Variants in UNC13C observed in about 807,000 individuals in gnomAD.
UNC13C encodes the protein protein unc-13 homolog C.
A neutral mutation model predicts 245.4 loss-of-function variants in UNC13C; 174 were observed. The ratio of observed to expected loss-of-function variants is 0.71; its 90% CI spans 0.63 to 0.80. The LOEUF is 0.80. Among genes scored for constraint, UNC13C ranks in the 30% least tolerant of loss-of-function variants. The pLI is 0.00. For missense variants in UNC13C, 2,829 were observed against 2,602.9 expected (o/e 1.09, Z -1.89); for synonymous variants, 992 against 895.1 (o/e 1.11, Z -1.93).
chr15:54,275,429 A>AT (rs1416583711), intron 10 of UNC13C, among the ~76,000 whole-genome samples: 1 of 151,846 alleles, frequency 6.6e-6, no homozygotes, highest in East Asian at 1.9e-4. Context: ...CCCTAGTATT[A>AT]TTTTTTTCTG....
At chr15:53,879,224 CA>C in the UNC13C span, among the ~76,000 whole-genome samples, 6 of 152,162 alleles carry the variant, frequency 3.9e-5, no homozygotes, top group African/African-American at 1.4e-4. Context: ...TGCAATAGCA[CA>C]ATCATGGCTC....
At chr15:54,003,767 C>T (rs370334110) in intron 1 of UNC13C, among the ~76,000 whole-genome samples, 3 of 152,172 alleles carry the variant, frequency 2.0e-5, no homozygotes, top group Non-Finnish European at 4.4e-5. Flanking sequence ...AATCCCAGCA[C>T]TTTGGGAGGC....
At chr15:54,288,113 T>C (rs1313258660) in intron 10 of UNC13C, among the ~76,000 whole-genome samples, 2 of 152,164 alleles carry the variant, frequency 1.3e-5, no homozygotes, top group Non-Finnish European at 2.9e-5. Context: ...TCTGATTTAG[T>C]AAGACAGGAA....
chr15:54,321,862 C>T, intron 13 of UNC13C, 77 bp from the exon 14 acceptor site: 1 of 1,330,194 alleles, frequency 7.5e-7, no homozygotes, highest in Non-Finnish European at 1.0e-6. Flanking sequence ...GAATTAATTG[C>T]TGATGTTAGA....
chr15:54,211,598 C>G (rs2034880062), intron 4 of UNC13C, among the ~76,000 whole-genome samples: 1 of 152,028 alleles, frequency 6.6e-6, no homozygotes, highest in African/African-American at 2.4e-5. Context: ...TGGGCTAGCT[C>G]CAGTGCACCA....
At chr15:53,948,731 T>A in the UNC13C span, 1 of 151,636 alleles carries the variant, frequency 6.6e-6, no homozygotes, top group East Asian at 1.9e-4. Context: ...AGAAATGATG[T>A]GAGAAAGATG....
intron 10 of UNC13C, among the ~76,000 whole-genome samples, chr15:54,281,650 T>C (rs1332219378): frequency 1.3e-5 from 2 of 152,214 alleles, no homozygotes; most frequent in African/African-American, 2.4e-5. Flanking sequence ...ATTCCAGAGA[T>C]ACTTACAAGT....
intron 13 of UNC13C, among the ~76,000 whole-genome samples, chr15:54,318,101 T>A (rs1316398175): frequency 1.3e-5 from 2 of 151,974 alleles, no homozygotes; most frequent in African/African-American, 4.8e-5. Flanking sequence ...CTCTGATGTA[T>A]ATAACCATAT....
chr15:54,192,747 A>T (rs566257043), intron 4 of UNC13C, among the ~76,000 whole-genome samples: 1 of 152,176 alleles, frequency 6.6e-6, no homozygotes, highest in South Asian at 2.1e-4. Context: ...CTGTAGCACT[A>T]CTCGGCTTCC....
chr15:53,911,317 A>G, the UNC13C span: 4 of 152,212 alleles, frequency 2.6e-5, no homozygotes, highest in Admixed American at 6.5e-5. Context: ...CCTTGAGCCC[A>G]TCCTCCTGGC....
the UNC13C span, among the ~76,000 whole-genome samples, chr15:53,909,701 A>G: frequency 6.8e-6 from 1 of 146,770 alleles, no homozygotes; most frequent in Non-Finnish European, 1.5e-5. Flanking sequence ...AGCCAAGAGT[A>G]TTCTAAGTCT....
At chr15:54,605,258 AAG>A in intron 30 of UNC13C, among the ~76,000 whole-genome samples, 1 of 152,290 alleles carries the variant, frequency 6.6e-6, no homozygotes, top group East Asian at 1.9e-4. Flanking sequence ...GCTGAGTTCT[AAG>A]AGGGGCCACA....
chr15:54,262,789 CT>C (rs1452531129), intron 8 of UNC13C, among the ~76,000 whole-genome samples: 1 of 151,970 alleles, frequency 6.6e-6, no homozygotes, highest in African/African-American at 2.4e-5. Context: ...TTAGCTTCCT[CT>C]ATTCACACTC....
At chr15:54,129,538 T>A (rs1567036013) in intron 2 of UNC13C, among the ~76,000 whole-genome samples, 1 of 152,136 alleles carries the variant, frequency 6.6e-6, no homozygotes, top group Non-Finnish European at 1.5e-5. Flanking sequence ...TTTCTACTGA[T>A]TCAATTTCTT....
intron 25 of UNC13C, among the ~76,000 whole-genome samples, chr15:54,530,656 A>C (rs1483450447): frequency 6.6e-6 from 1 of 152,096 alleles, no homozygotes; most frequent in Non-Finnish European, 1.5e-5. Flanking sequence ...GTGATATTTG[A>C]TATATGCCTG....
At chr15:54,345,797 A>G (rs759400843) in intron 17 of UNC13C, among the ~76,000 whole-genome samples, 19 of 152,050 alleles carry the variant, frequency 1.2e-4, no homozygotes, top group Non-Finnish European at 2.4e-4. Context: ...AGACTCTCCC[A>G]TTATCCACAG....
Position 54,445,698 on chromosome 15 carries a change from T to C in UNC13C, c.4933+30631T>C, listed in dbSNP as rs565450982. Among the ~76,000 whole-genome samples the C allele has an allele frequency of 7.2e-5, 11 of 152,338 alleles. 1 individual carries two copies. The highest frequency in any genetic ancestry group is 3.3e-4 in the Admixed American group (5 of 15,302). Reference sequence around the variant, plus strand: ...TTGTAGATTCTGGATATTAGCCCTTTGTCAGATGAGTAGATTGCAAAAATT... The same window carrying C: ...TTGTAGATTCTGGATATTAGCCCTTCGTCAGATGAGTAGATTGCAAAAATT... On this transcript the variant is annotated intron_variant, in intron 19 of 32. Transcript: ENST00000260323.
upstream of UNC13C, among the ~76,000 whole-genome samples, chr15:53,977,452 A>AAAATGCC (rs1393817823): frequency 2.0e-5 from 3 of 152,332 alleles, no homozygotes; most frequent in East Asian, 5.8e-4. Flanking sequence ...CATGTACTGA[A>AAAATGCC]AAATGCCATA....
chr15:53,848,586 C>G, the UNC13C span, among the ~76,000 whole-genome samples: 131,758 of 152,168 alleles, frequency 0.87, 57,184 homozygotes, highest in Middle Eastern at 0.94. Context: ...TGAAAAGAAA[C>G]TATATTTGTC....
Sources: allele counts gnomAD v4.1 joint callset (sites outside exome capture counted in the v4.1 genomes callset), GRCh38; gene constraint gnomAD v4.1.1; transcripts MANE v1.5; gene names NCBI Gene and HGNC (gene_info 2026-07-23, HGNC 2026-07-21).